Variants in DHRSX observed in about 807,000 individuals in gnomAD.
DHRSX encodes the protein polyprenol dehydrogenase.
A neutral mutation model predicts 34.0 loss-of-function variants in DHRSX; 31 were observed. The observed-to-expected ratio is 0.91, with a 90% CI of 0.69 to 1.23. The LOEUF is 1.23. Among genes scored for constraint, DHRSX ranks in the 50% most tolerant of loss-of-function variants. DHRSX has a pLI of 0.00. For missense variants in DHRSX, 414 were observed against 428.1 expected (o/e 0.97, Z 0.29); for synonymous variants, 201 against 183.8 (o/e 1.09, Z -0.76).
intron 4 of DHRSX, among the ~76,000 whole-genome samples, chrX:2,267,529 G>A (rs1245053205): frequency 6.9e-6 from 1 of 144,582 alleles, no homozygotes; most frequent in East Asian, 2.0e-4. Context: ...TGGTGACAGA[G>A]CGAGACTCCA....
chrX:2,489,977 G>T (rs775074298), intron 1 of DHRSX: 1 of 1,613,790 alleles, frequency 6.2e-7, no homozygotes, highest in Non-Finnish European at 8.5e-7. Context: ...GAGCACTCGC[G>T]TGATGGTCTC....
intron 3 of DHRSX, among the ~76,000 whole-genome samples, chrX:2,310,917 T>C (rs2042156547): frequency 6.6e-6 from 1 of 151,702 alleles, no homozygotes; most frequent in Non-Finnish European, 1.5e-5. Context: ...AAAAACTAGC[T>C]GAGCGTGGTG....
intron 1 of DHRSX, among the ~76,000 whole-genome samples, chrX:2,450,498 G>A (rs901409947): frequency 2.0e-5 from 3 of 151,998 alleles, no homozygotes; most frequent in Admixed American, 6.6e-5. Context: ...CGGACATGCT[G>A]GGTTGGACAC....
intron 1 of DHRSX, among the ~76,000 whole-genome samples, chrX:2,474,636 G>A (rs950089755): frequency 6.7e-6 from 1 of 148,176 alleles, no homozygotes; most frequent in Admixed American, 6.7e-5. Context: ...CACCAAAGAC[G>A]TTCCCTAACA....
chrX:2,434,264 T>G (rs985214078), intron 1 of DHRSX, among the ~76,000 whole-genome samples: 2 of 152,060 alleles, frequency 1.3e-5, no homozygotes, highest in African/African-American at 4.8e-5. Context: ...AAAAGTAGGG[T>G]TGTTATCCAG....
chrX:2,313,959 G>C (rs1043834208), intron 3 of DHRSX, among the ~76,000 whole-genome samples: 10 of 151,912 alleles, frequency 6.6e-5, no homozygotes, highest in African/African-American at 2.4e-4. Context: ...ACAACTGGTT[G>C]AGTTTATCTG....
intron 6 of DHRSX, among the ~76,000 whole-genome samples, chrX:2,231,082 G>A (rs1031631915): frequency 6.6e-6 from 1 of 152,066 alleles, no homozygotes; most frequent in Admixed American, 6.6e-5. Context: ...ACTGCTGGCT[G>A]GCTTTTAAGG....
At chrX:2,424,441 G>A (rs2124650202) in intron 2 of DHRSX, among the ~76,000 whole-genome samples, 1 of 152,028 alleles carries the variant, frequency 6.6e-6, no homozygotes, top group East Asian at 1.9e-4. Flanking sequence ...GGAGGAACCA[G>A]CCTTACTCAC....
intron 1 of DHRSX, chrX:2,489,335 G>C (rs199678782): frequency 6.2e-7 from 1 of 1,613,938 alleles, no homozygotes; most frequent in Admixed American, 1.7e-5. Flanking sequence ...GATCTCGGGC[G>C]TCTCCTGGTA....
At chrX:2,439,893 C>G (rs1435724740) in intron 1 of DHRSX, among the ~76,000 whole-genome samples, 1 of 152,164 alleles carries the variant, frequency 6.6e-6, no homozygotes, top group Non-Finnish European at 1.5e-5. Flanking sequence ...TCACCTCCTG[C>G]TGCACAGCCC....
At chrX:2,439,567 CACTGTA>C (rs2044038461) in intron 1 of DHRSX, among the ~76,000 whole-genome samples, 1 of 152,200 alleles carries the variant, frequency 6.6e-6, no homozygotes, top group South Asian at 2.1e-4. Context: ...ATTATTATTA[CACTGTA>C]ATAGAGAATG....
At chrX:2,389,039 T>C (rs2043304639) in intron 3 of DHRSX, among the ~76,000 whole-genome samples, 1 of 152,204 alleles carries the variant, frequency 6.6e-6, no homozygotes. Context: ...AATAAGTATC[T>C]TTTGTTTAAA....
chrX:2,292,244 C>G lies in DHRSX; in HGVS notation c.287-641G>C, dbSNP rs187050828. Among the ~76,000 whole-genome samples the G allele has an allele frequency of 8.9e-4, 136 of 152,312 alleles. 1 individual carries two copies. Among genetic ancestry groups the G allele is most frequent in the Non-Finnish European group, 8.8e-5 (6 of 68,026 alleles). The stretch of plus-strand genomic sequence containing the variant: ...TGGGCATGGCCTCTCTAGGAGCTGA[C>G]AGCAGCCCCTGGCCAAAAGCCAGCA... On this transcript the variant is annotated intron_variant, in intron 3 of 6. Transcript: ENST00000334651.
At chrX:2,482,525 A>G (rs1446685163) in intron 1 of DHRSX, among the ~76,000 whole-genome samples, 1 of 152,144 alleles carries the variant, frequency 6.6e-6, no homozygotes, top group Non-Finnish European at 1.5e-5. Flanking sequence ...TCAGCCTCCC[A>G]AAGTGCTGGG....
intron 2 of DHRSX, among the ~76,000 whole-genome samples, chrX:2,412,325 C>T (rs1405010224): frequency 1.3e-5 from 2 of 152,092 alleles, no homozygotes; most frequent in Non-Finnish European, 2.9e-5. Context: ...CTCGGGTGAC[C>T]CGTTTGCCTT....
chrX:2,495,312 G>A lies in DHRSX; in HGVS notation c.109+5505C>T, dbSNP rs186346646. Among the ~76,000 whole-genome samples, 337 of 151,496 alleles carry A rather than the reference G, an allele frequency of 2.2e-3. 9 individuals carry two copies. Among genetic ancestry groups the A allele is most frequent in the Admixed American group, 0.019 (283 of 15,212 alleles). On this transcript the variant is annotated intron_variant, in intron 1 of 6. Transcript: ENST00000334651. Reference sequence around the variant, plus strand: ...TTCCTATTGTTGTTATTATTATTGGGCTGAAAGACGCCCCAGTACCATGAA... The same window carrying A: ...TTCCTATTGTTGTTATTATTATTGGACTGAAAGACGCCCCAGTACCATGAA...
At chrX:2,256,791 C>CAAA (rs111988428) in intron 5 of DHRSX, among the ~76,000 whole-genome samples, 9 of 145,316 alleles carry the variant, frequency 6.2e-5, no homozygotes, top group African/African-American at 1.5e-4. Flanking sequence ...ATCTTTCATC[C>CAAA]AAAAAAAAAA....
chrX:2,257,012 C>T (rs929231671), intron 5 of DHRSX, among the ~76,000 whole-genome samples: 116 of 152,216 alleles, frequency 7.6e-4, no homozygotes, highest in African/African-American at 2.6e-3. Flanking sequence ...TGCAGTGGTG[C>T]GATCTTGGCT....
At chrX:2,267,941 TC>T (rs1464502722) in intron 4 of DHRSX, among the ~76,000 whole-genome samples, 8 of 151,908 alleles carry the variant, frequency 5.3e-5, no homozygotes, top group Non-Finnish European at 7.4e-5. Context: ...AGATCCTGTC[TC>T]CCCCCAGAAT....
Sources: allele counts gnomAD v4.1 joint callset (sites outside exome capture counted in the v4.1 genomes callset), GRCh38; gene constraint gnomAD v4.1.1; transcripts MANE v1.5; gene names NCBI Gene and HGNC (gene_info 2026-07-23, HGNC 2026-07-21).